LRBA: variants seen among roughly 807,000 people sequenced by gnomAD.
The protein encoded by LRBA is LPS responsive beige-like anchor protein.
A neutral mutation model predicts 330.0 loss-of-function variants in LRBA; 176 were observed. That is an observed-to-expected ratio of 0.53 (90% CI 0.47 to 0.60). LRBA has a LOEUF of 0.60. Among genes scored for constraint, LRBA ranks in the 20% least tolerant of loss-of-function variants. The probability of loss-of-function intolerance (pLI) is 0.00; values close to 1 mark genes in which losing one functional copy is unlikely to be tolerated. For missense variants in LRBA, 3,259 were observed against 3,444.8 expected, an observed-to-expected ratio of 0.95 and a Z score of 1.35; for synonymous variants, 1,230 against 1,193.0, an observed-to-expected ratio of 1.03 and a Z score of -0.64.
chr4:150,537,930 G>A (rs1764853723), intron 40 of LRBA, among the ~76,000 whole-genome samples: 1 of 152,116 alleles, frequency 6.6e-6, no homozygotes, highest in African/African-American at 2.4e-5. Context: ...ACTGCAGCCT[G>A]GGTGACAGAG....
At chr4:150,977,222 T>G (rs1186978678) in intron 2 of LRBA, among the ~76,000 whole-genome samples, 3 of 152,118 alleles carry the variant, frequency 2.0e-5, no homozygotes, top group Non-Finnish European at 4.4e-5. Context: ...TCCATCAGCT[T>G]GAGGAGAGGA....
chr4:150,844,904 T>C (rs1749630923), intron 26 of LRBA, 125 bp from the exon 27 acceptor site: 2 of 767,506 alleles, frequency 2.6e-6, no homozygotes, highest in Admixed American at 5.2e-5. Context: ...GACATTCAGC[T>C]TATTCCTAAA....
chr4:150,935,413 TA>T (rs1254797333), intron 2 of LRBA, among the ~76,000 whole-genome samples: 1 of 152,132 alleles, frequency 6.6e-6, no homozygotes, highest in Non-Finnish European at 1.5e-5. Context: ...ACTATAAGTA[TA>T]AAGTATCTAG....
chr4:150,914,093 C>CTT, intron 9 of LRBA, 102 bp downstream of exon 9: 262 of 719,792 alleles, frequency 3.6e-4, no homozygotes, highest in South Asian at 4.3e-4. Flanking sequence ...TCTCATTTTT[C>CTT]TTTTTTTTTT....
At chr4:150,815,409 T>A (rs913372485) in intron 31 of LRBA, among the ~76,000 whole-genome samples, 2 of 151,548 alleles carry the variant, frequency 1.3e-5, no homozygotes, top group African/African-American at 4.8e-5. Flanking sequence ...AAAAATTTGC[T>A]AGAGTTTCAT....
intron 37 of LRBA, among the ~76,000 whole-genome samples, chr4:150,619,389 T>C (rs1776086937): frequency 6.6e-6 from 1 of 152,152 alleles, no homozygotes. Flanking sequence ...CTTTATCAAG[T>C]ATTGCAAAGC....
chr4:150,504,267 A>G (rs1317232029), intron 40 of LRBA, among the ~76,000 whole-genome samples: 1 of 152,190 alleles, frequency 6.6e-6, no homozygotes, highest in East Asian at 1.9e-4. Context: ...CCTCGAGAAG[A>G]GCAACTCCAA....
chr4:150,327,043 A>G (rs951431580), intron 48 of LRBA, among the ~76,000 whole-genome samples: 4 of 152,192 alleles, frequency 2.6e-5, no homozygotes, highest in Non-Finnish European at 5.9e-5. Context: ...CCTGAAGGCT[A>G]AAGGTAGTCA....
chr4:150,991,925 T>C (rs1163505331), intron 2 of LRBA, among the ~76,000 whole-genome samples: 3 of 152,162 alleles, frequency 2.0e-5, no homozygotes, highest in Non-Finnish European at 4.4e-5. Flanking sequence ...CTATAGTAAG[T>C]TATGAACAAA....
chr4:150,563,906 C>T (rs1211128366), intron 40 of LRBA, among the ~76,000 whole-genome samples: 2 of 152,136 alleles, frequency 1.3e-5, no homozygotes, highest in East Asian at 3.9e-4. Flanking sequence ...AATGGAAGAA[C>T]ATTCCATGCT....
Position 150,365,791 on chromosome 4 carries a change from CAA to C in LRBA, c.7195-15634_7195-15633del, listed in dbSNP as rs58972028. ...GGGTAACAAGAGTGAAACTCTGTCTCAAAAAAAAAAAAAAAAAAAAAGTGATT... is the reference window on the plus strand; with the variant it reads ...GGGTAACAAGAGTGAAACTCTGTCTCAAAAAAAAAAAAAAAAAAAGTGATT... On this transcript the variant is annotated intron_variant, in intron 47 of 56. Coordinates refer to ENST00000651943, the MANE Select transcript of LRBA (RefSeq NM_001364905.1). Among the ~76,000 whole-genome samples the C allele has an allele frequency of 8.3e-3, 760 of 91,656 alleles. 9 individuals are homozygous for C. The highest frequency in any genetic ancestry group is 0.043 in the Admixed American group (391 of 9,030). 60.1% of individuals were successfully genotyped at this position (91,656 alleles called of 152,430 possible). A position where few individuals can be genotyped will look rare whatever the true frequency, so the allele number is the denominator to read the frequency against.
At chr4:150,711,187 G>A (rs1786159540) in intron 36 of LRBA, among the ~76,000 whole-genome samples, 1 of 151,766 alleles carries the variant, frequency 6.6e-6, no homozygotes, top group South Asian at 2.1e-4. Flanking sequence ...CAGGTTTCAG[G>A]TATAACATAG....
intron 2 of LRBA, among the ~76,000 whole-genome samples, chr4:150,960,600 G>T (rs951145349): frequency 2.7e-5 from 4 of 149,026 alleles, no homozygotes; most frequent in Admixed American, 6.6e-5. Flanking sequence ...CAAGATAGAG[G>T]TTCCATTTGA....
At position 150,774,815 on chromosome 4, in the gene LRBA, AT is replaced by A. The variant is rs1345623608; in HGVS notation, c.5581-12969del. ...CCTGTAAATTGGCTCAACTTGGGAA[AT>A]TGATTGAGGGGCCATGACTCACTGC... On this transcript the variant is annotated intron_variant, in intron 34 of 56. Transcript: ENST00000651943. Among the ~76,000 whole-genome samples the A allele has an allele frequency of 5.3e-5, 8 of 152,282 alleles. No homozygotes were observed. The East Asian group carries it at 1.5e-3, about 29-fold the overall frequency.
chr4:150,267,668 G>C (rs1745539176), intron 56 of LRBA, among the ~76,000 whole-genome samples: 1 of 152,094 alleles, frequency 6.6e-6, no homozygotes, highest in African/African-American at 2.4e-5. Flanking sequence ...GAACAGAGTA[G>C]AGAGAAATAA....
At chr4:150,773,157 T>G (rs1736809151) in intron 34 of LRBA, among the ~76,000 whole-genome samples, 2 of 152,326 alleles carry the variant, frequency 1.3e-5, no homozygotes, top group South Asian at 4.1e-4. Flanking sequence ...TTACAACTTC[T>G]TGCTCACTAA....
chr4:150,808,241 C>A, intron 32 of LRBA, 79 bp downstream of exon 32: 4 of 854,376 alleles, frequency 4.7e-6, no homozygotes, highest in South Asian at 1.6e-5. Flanking sequence ...TGAAATGAAA[C>A]GAAGTAAAAT....
At chr4:150,659,777 G>A (rs1780774136) in intron 37 of LRBA, among the ~76,000 whole-genome samples, 2 of 28,376 alleles carry the variant, frequency 7.0e-5, no homozygotes, top group Non-Finnish European at 2.8e-4. Context: ...GGTGAGGGGC[G>A]CCTCTGCCCG....
At chr4:150,640,407 G>A (rs926409863) in intron 37 of LRBA, among the ~76,000 whole-genome samples, 38 of 151,982 alleles carry the variant, frequency 2.5e-4, no homozygotes, top group Admixed American at 3.3e-4. Flanking sequence ...AGTTATGTTC[G>A]TACTTATGGA....
Sources: gnomAD v4.1 joint callset for allele counts (sites outside exome capture counted in the v4.1 genomes callset) on GRCh38, gnomAD v4.1.1 for gene constraint, MANE v1.5 for transcripts, NCBI Gene and HGNC (gene_info 2026-07-23, HGNC 2026-07-21) for gene names.